Variants in LPGAT1 observed in about 807,000 individuals in gnomAD.
LPGAT1 encodes acyl-CoA:lysophosphatidylglycerol acyltransferase 1.
Under a neutral mutation model 47.5 loss-of-function variants are expected in LPGAT1, and 11 were observed. The ratio of observed to expected loss-of-function variants is 0.23; its 90% confidence interval spans 0.15 to 0.38. LPGAT1 has a LOEUF of 0.38. LPGAT1 is among the 10% of genes least tolerant of loss of function. The pLI is 1.00. For synonymous variants in LPGAT1, 138 were observed against 144.2 expected, an observed-to-expected ratio of 0.96 and a Z score of 0.31; for missense variants, 293 against 439.0, an observed-to-expected ratio of 0.67 and a Z score of 2.97.
rs192301379 is a variant in LPGAT1 at position 211,775,025 on chromosome 1, C to T, written c.854+3893G>A. Among the ~76,000 whole-genome samples the T allele has an allele frequency of 2.0e-5, 3 of 152,044 alleles. No homozygotes were observed. The East Asian group carries it at 5.8e-4, about 29-fold the overall frequency. ...AAGGGAGTTTTACTCTGTGGGAAAA[C>T]GCCACTTTTGCTCAGAGATCTCCAT... On this transcript the variant is annotated intron_variant, in intron 6 of 7. Coordinates refer to ENST00000366997, the MANE Select transcript of LPGAT1 (RefSeq NM_014873.3).
chr1:211,809,584 G>A (rs1659892310), intron 2 of LPGAT1, among the ~76,000 whole-genome samples: 1 of 152,088 alleles, frequency 6.6e-6, no homozygotes, highest in Admixed American at 6.6e-5. Context: ...CTGGTGGGAG[G>A]TAATTGAATC....
chr1:211,801,467 C>T (rs1235340380), intron 2 of LPGAT1, among the ~76,000 whole-genome samples: 1 of 152,112 alleles, frequency 6.6e-6, no homozygotes, highest in Non-Finnish European at 1.5e-5. Flanking sequence ...GTAATCCCAG[C>T]ACTAAGGCCG....
At chr1:211,784,567 A>T (rs1403755654) in intron 4 of LPGAT1, among the ~76,000 whole-genome samples, 2 of 151,990 alleles carry the variant, frequency 1.3e-5, no homozygotes, top group Admixed American at 6.6e-5. Flanking sequence ...GATAAGTTAG[A>T]AGACTTGCAG....
intron 1 of LPGAT1, chr1:211,829,728 T>A: frequency 9.9e-7 from 1 of 1,014,462 alleles, no homozygotes; most frequent in South Asian, 3.9e-5. Flanking sequence ...GTCCCCTCAA[T>A]AAGATTTCCC....
intron 2 of LPGAT1, among the ~76,000 whole-genome samples, chr1:211,811,173 T>C (rs533668046): frequency 9.2e-5 from 14 of 152,182 alleles, no homozygotes; most frequent in Non-Finnish European, 2.1e-4. Context: ...ACATTAACAA[T>C]GAAGGAAGGT....
chr1:211,793,354 T>G, intron 2 of LPGAT1, 164 bp from the exon 3 acceptor site: 1 of 348,762 alleles, frequency 2.9e-6, no homozygotes, highest in Admixed American at 4.7e-5. Context: ...AGAATGTTAA[T>G]ATAACTTTTA....
intron 2 of LPGAT1, among the ~76,000 whole-genome samples, chr1:211,801,430 T>C (rs1659570129): frequency 6.6e-6 from 1 of 152,144 alleles, no homozygotes; most frequent in Non-Finnish European, 1.5e-5. Context: ...AAATGGTATA[T>C]AAAGCCAGGC....
chr1:211,804,070 CTTATTT>C (rs1170870586), intron 2 of LPGAT1, among the ~76,000 whole-genome samples: 1 of 151,574 alleles, frequency 6.6e-6, no homozygotes, highest in South Asian at 2.1e-4. Context: ...TCAAAATTGG[CTTATTT>C]TTATTTTTAT....
intron 6 of LPGAT1, among the ~76,000 whole-genome samples, chr1:211,770,535 G>A (rs1658121391): frequency 6.6e-6 from 1 of 152,186 alleles, no homozygotes; most frequent in Non-Finnish European, 1.5e-5. Context: ...GTCAACGACG[G>A]ACTGCATATA....
At chr1:211,787,248 C>T (rs1339946098) in intron 4 of LPGAT1, among the ~76,000 whole-genome samples, 2 of 152,144 alleles carry the variant, frequency 1.3e-5, no homozygotes, top group African/African-American at 4.8e-5. Context: ...AATCCCAGCA[C>T]TCTGGGAGGC....
intron 4 of LPGAT1, among the ~76,000 whole-genome samples, chr1:211,784,446 G>T (rs1283849764): frequency 2.0e-5 from 3 of 149,014 alleles, no homozygotes. Flanking sequence ...AGCCCTGATG[G>T]TACTACTGTA....
intron 3 of LPGAT1, among the ~76,000 whole-genome samples, chr1:211,792,768 G>A (rs1255474967): frequency 4.9e-5 from 6 of 122,498 alleles, no homozygotes; most frequent in African/African-American, 1.6e-4. Context: ...CTGGAGTACA[G>A]TGGCGTGATC....
In LPGAT1 at chr1:211,776,367, C is replaced by T. The variant is rs563137736; in HGVS notation, c.854+2551G>A. On this transcript the variant is annotated intron_variant, in intron 6 of 7. Transcript: ENST00000366997. ...GCCTGGCCAACATGGTGAAACCCAGCCTCTACTAATAATACAAAAATTAGC... is the reference window on the plus strand; with the variant it reads ...GCCTGGCCAACATGGTGAAACCCAGTCTCTACTAATAATACAAAAATTAGC... Among the ~76,000 whole-genome samples, 159 of 152,028 alleles carry T rather than the reference C, an allele frequency of 1.0e-3. 1 individual carries two copies. Among genetic ancestry groups the T allele is most frequent in the Middle Eastern group, 0.01 (3 of 294 alleles).
At chr1:211,794,761 G>T (rs937812617) in intron 2 of LPGAT1, among the ~76,000 whole-genome samples, 4 of 152,154 alleles carry the variant, frequency 2.6e-5, no homozygotes, top group Non-Finnish European at 4.4e-5. Context: ...TGCAAGGAAA[G>T]AATTCAAGCC....
intron 2 of LPGAT1, among the ~76,000 whole-genome samples, chr1:211,826,035 G>A (rs1472740418): frequency 6.6e-6 from 1 of 152,114 alleles, no homozygotes; most frequent in African/African-American, 2.4e-5. Flanking sequence ...AAACCCCAGT[G>A]TCTTCAGAGT....
At position 211,749,690 on chromosome 1, in the gene LPGAT1, G is replaced by A; in HGVS notation, c.*209C>T. On this transcript the variant is annotated 3_prime_UTR_variant, in exon 8 of 8. Coordinates refer to ENST00000366997, the MANE Select transcript of LPGAT1 (RefSeq NM_014873.3). Reference sequence around the variant, plus strand: ...GATAGAGTGTATCTTTTTAAAACATGTTCTTAAAATATATTAGCAGGTCAT... The same window carrying A: ...GATAGAGTGTATCTTTTTAAAACATATTCTTAAAATATATTAGCAGGTCAT... 2.0e-6 allele frequency: 1 copy of A among 507,336 alleles called. No homozygotes were observed. The highest frequency in any genetic ancestry group is 3.4e-6 in the Non-Finnish European group (1 of 291,104). The allele number at this position is 507,336 out of a possible 1,614,324, so 31.4% of individuals were successfully genotyped here. A position where few individuals can be genotyped will look rare whatever the true frequency, so the allele number is the denominator to read the frequency against.
chr1:211,752,152 A>G (rs1657216276), intron 6 of LPGAT1, among the ~76,000 whole-genome samples: 1 of 152,098 alleles, frequency 6.6e-6, no homozygotes, highest in African/African-American at 2.4e-5. Flanking sequence ...TTCTTTACCA[A>G]TTTTTATTTT....
At chr1:211,802,555 A>G (rs770506373) in intron 2 of LPGAT1, among the ~76,000 whole-genome samples, 2 of 152,142 alleles carry the variant, frequency 1.3e-5, no homozygotes, top group Non-Finnish European at 2.9e-5. Context: ...ACATAATTGT[A>G]AAAATAAAAG....
At chr1:211,769,178 T>G (rs1009535809) in intron 6 of LPGAT1, among the ~76,000 whole-genome samples, 1 of 152,134 alleles carries the variant, frequency 6.6e-6, no homozygotes, top group Non-Finnish European at 1.5e-5. Flanking sequence ...TAGGAGCTTA[T>G]GTAGTAATCT....
Sources: allele counts gnomAD v4.1 joint callset (sites outside exome capture counted in the v4.1 genomes callset), GRCh38; gene constraint gnomAD v4.1.1; transcripts MANE v1.5; gene names NCBI Gene and HGNC (gene_info 2026-07-23, HGNC 2026-07-21).